The following KCNJ12 variants were observed in gnomAD, a reference collection of about 807,000 sequenced individuals.
The protein encoded by KCNJ12 is ATP-sensitive inward rectifier potassium channel 12.
KCNJ12 carries 2 observed loss-of-function variants against 22.3 expected under a neutral mutation model. That is an observed-to-expected ratio of 0.09 (90% CI 0.04 to 0.28). KCNJ12 has a LOEUF of 0.28. Ranked by LOEUF, KCNJ12 falls within the 10% of genes least tolerant of loss-of-function variation. The probability of loss-of-function intolerance (pLI) is 1.00; values close to 1 mark genes in which losing one functional copy is unlikely to be tolerated. For synonymous variants in KCNJ12, 117 were observed against 261.4 expected (o/e 0.45, Z 5.33); for missense variants, 155 against 633.3 (o/e 0.24, Z 8.11).
intron 1 of KCNJ12, among the ~76,000 whole-genome samples, chr17:21,404,051 C>T (rs1905788600): frequency 6.6e-6 from 1 of 152,256 alleles, no homozygotes; most frequent in Non-Finnish European, 1.5e-5. Context: ...ACACGCTGAG[C>T]TTCCCTGATA....
intron 1 of KCNJ12, among the ~76,000 whole-genome samples, chr17:21,378,739 C>T (rs1904760761): frequency 6.6e-6 from 1 of 152,096 alleles, no homozygotes; most frequent in Admixed American, 6.5e-5. Flanking sequence ...CAGGGGAGGG[C>T]ATGGCTGACA....
At chr17:21,377,204 T>C (rs1904686937) in intron 1 of KCNJ12, among the ~76,000 whole-genome samples, 1 of 152,044 alleles carries the variant, frequency 6.6e-6, no homozygotes, top group African/African-American at 2.4e-5. Context: ...CGGGAAACTT[T>C]GAGGAGCCCT....
At chr17:21,390,762 C>G (rs1346299306) in intron 1 of KCNJ12, among the ~76,000 whole-genome samples, 3 of 152,176 alleles carry the variant, frequency 2.0e-5, no homozygotes, top group Non-Finnish European at 4.4e-5. Context: ...CTTTGTGTGT[C>G]TCCTCCCAAT....
chr17:21,383,493 G>A (rs4247138), intron 1 of KCNJ12, among the ~76,000 whole-genome samples: 5,943 of 152,268 alleles, frequency 0.039, 140 homozygotes, highest in Non-Finnish European at 0.06. Flanking sequence ...GGAGACCTGG[G>A]GCTTCCAGGG....
chr17:21,388,018 C>T (rs116859815), intron 1 of KCNJ12, among the ~76,000 whole-genome samples: 1,535 of 152,232 alleles, frequency 0.01, 16 homozygotes, highest in Middle Eastern at 0.017. Flanking sequence ...CAGTTCTGGC[C>T]GTGAAGATGG....
In KCNJ12 at chr17:21,408,573, A is replaced by G. The variant is rs9911150; in HGVS notation, c.-124A>G. The G allele has an allele frequency of 6.6e-6, 1 of 150,506 alleles. No individual in the cohort carries two copies. The highest frequency in any genetic ancestry group is 1.5e-5 in the Non-Finnish European group (1 of 67,616). The allele number at this position is 150,506 out of a possible 1,614,324, so 9.3% of individuals were successfully genotyped here. ...TGGTGCCTGGGAAATGGCAGCCACT[A>G]CTAATTCAGCCTTGAAGACAGTACC... On this transcript the variant is annotated 5_prime_UTR_variant, in exon 2 of 3. Coordinates refer to ENST00000583088, the MANE Select transcript of KCNJ12 (RefSeq NM_021012.5).
intron 1 of KCNJ12, among the ~76,000 whole-genome samples, chr17:21,383,635 A>G (rs932162723): frequency 6.6e-6 from 1 of 152,174 alleles, no homozygotes; most frequent in African/African-American, 2.4e-5. Flanking sequence ...GGGATCCCCA[A>G]TCACAAGCCA....
intron 1 of KCNJ12, among the ~76,000 whole-genome samples, chr17:21,402,528 A>C (rs1905681204): frequency 1.3e-5 from 2 of 152,308 alleles, no homozygotes; most frequent in African/African-American, 4.8e-5. Context: ...CCTGGGGCAG[A>C]GCGATAGGCT....
chr17:21,399,783 T>G (rs1413696001), intron 1 of KCNJ12, among the ~76,000 whole-genome samples: 2 of 152,188 alleles, frequency 1.3e-5, no homozygotes, highest in African/African-American at 4.8e-5. Flanking sequence ...AGTCCTGAAT[T>G]TCTATCCCAG....
rs1467091600 is a variant in KCNJ12 at position 21,405,942 on chromosome 17, TAAG to T, written c.-178-2574_-178-2572del. 2.6e-5 allele frequency among the ~76,000 whole-genome samples: 4 copies of T among 152,426 alleles called. No individual in the cohort carries two copies. The East Asian group carries it at 5.8e-4, about 22-fold the overall frequency. On this transcript the variant is annotated intron_variant, in intron 1 of 2. Transcript: ENST00000583088. Reference sequence around the variant, plus strand: ...GAGCTAATTTTGCCTTCCTCCTAGATAAGAACAAATCCAGCTGGATTTGTGGTC... The same window carrying T: ...GAGCTAATTTTGCCTTCCTCCTAGATAACAAATCCAGCTGGATTTGTGGTC...
At chr17:21,400,584 A>T (rs1268361790) in intron 1 of KCNJ12, among the ~76,000 whole-genome samples, 1 of 152,298 alleles carries the variant, frequency 6.6e-6, no homozygotes, top group African/African-American at 2.4e-5. Flanking sequence ...CGGGGAATGA[A>T]CAAGTGGCTG....
At position 21,376,493 on chromosome 17, in the gene KCNJ12, C is replaced by G. The variant is rs1185278587; in HGVS notation, c.-599C>G. ...CCACACCGCCACTGCTGCCGCCTCC[C>G]TGGGAACAGTAGCCGGGGGAGGGGG... On this transcript the variant is annotated 5_prime_UTR_variant, in exon 1 of 3. Transcript: ENST00000583088. This position sits in a 1 kb window ranked among gnomAD's most constrained non-coding sequence, Gnocchi z 5.3. 1 of 152,094 alleles carries G rather than the reference C, an allele frequency of 6.6e-6. No individual in the cohort carries two copies. Among genetic ancestry groups the G allele is most frequent in the Non-Finnish European group, 1.5e-5 (1 of 68,016 alleles). The allele number at this position is 152,094 out of a possible 1,614,324, so 9.4% of individuals were successfully genotyped here. A position where few individuals can be genotyped will look rare whatever the true frequency, so the allele number is the denominator to read the frequency against.
intron 2 of KCNJ12, among the ~76,000 whole-genome samples, chr17:21,410,962 C>A (rs1409768680): frequency 1.3e-5 from 2 of 152,298 alleles, no homozygotes; most frequent in East Asian, 1.9e-4. Flanking sequence ...GTTCGTGCCT[C>A]GTGAGGCGCC....
At chr17:21,397,885 G>A (rs1446370604) in intron 1 of KCNJ12, among the ~76,000 whole-genome samples, 2 of 152,220 alleles carry the variant, frequency 1.3e-5, no homozygotes, top group East Asian at 1.9e-4. Flanking sequence ...CCTGGGGGCC[G>A]AGACTTGCCC....
rs1398027755 is a variant in KCNJ12 at position 21,408,513 on chromosome 17, C to A, written c.-178-6C>A. The A allele has an allele frequency of 1.3e-5, 2 of 152,412 alleles. No homozygotes were observed. Among genetic ancestry groups the A allele is most frequent in the Admixed American group, 1.3e-4 (2 of 15,292 alleles). 9.4% of individuals were successfully genotyped at this position (152,412 alleles called of 1,614,324 possible). ...CAGTAACTTGGCTTTACTCTTTTAA[C>A]TTTAGGATGTTCTAGTGACTGGATC... On this transcript the variant is annotated splice_region_variant and splice_polypyrimidine_tract_variant and intron_variant, in intron 1 of 2. Coordinates refer to ENST00000583088, the MANE Select transcript of KCNJ12 (RefSeq NM_021012.5).
In KCNJ12 at chr17:21,416,884, G is replaced by C. The variant is rs1163956620; in HGVS notation, c.*240G>C. ...GCTCAGGGCAAAGAAGTGGCCTCCTGGGGGGCCAGGCCACGAGGGCCAGGG... is the reference window on the plus strand; with the variant it reads ...GCTCAGGGCAAAGAAGTGGCCTCCTCGGGGGCCAGGCCACGAGGGCCAGGG... On this transcript the variant is annotated 3_prime_UTR_variant, in exon 3 of 3. Transcript: ENST00000583088. The C allele has an allele frequency of 4.9e-6, 3 of 613,532 alleles. No homozygotes were observed. Among genetic ancestry groups the C allele is most frequent in the African/African-American group, 3.7e-5 (2 of 54,054 alleles). 38.0% of individuals were successfully genotyped at this position (613,532 alleles called of 1,614,324 possible). A position where few individuals can be genotyped will look rare whatever the true frequency, so the allele number is the denominator to read the frequency against.
At chr17:21,399,623 G>A (rs1233591949) in intron 1 of KCNJ12, among the ~76,000 whole-genome samples, 3 of 152,206 alleles carry the variant, frequency 2.0e-5, no homozygotes, top group African/African-American at 7.2e-5. Flanking sequence ...CCAAAGGAAT[G>A]GGAGAGAGGC....
chr17:21,403,019 C>G (rs1305940747), intron 1 of KCNJ12, among the ~76,000 whole-genome samples: 9 of 152,300 alleles, frequency 5.9e-5, no homozygotes, highest in African/African-American at 2.2e-4. Flanking sequence ...ATGCAGTGAG[C>G]AGAAGCCAAG....
intron 1 of KCNJ12, among the ~76,000 whole-genome samples, chr17:21,387,044 T>C (rs781838143): frequency 2.0e-5 from 3 of 152,150 alleles, no homozygotes; most frequent in Admixed American, 6.5e-5. Context: ...TAGTCCCAGC[T>C]ACTCAGGAGG....
Sources: gnomAD v4.1 joint callset for allele counts (sites outside exome capture counted in the v4.1 genomes callset) on GRCh38, gnomAD v4.1.1 for gene constraint, Gnocchi (gnomAD v3.1) non-coding constraint, MANE v1.5 for transcripts, NCBI Gene and HGNC (gene_info 2026-07-23, HGNC 2026-07-21) for gene names.